PCDHA12: variants seen among roughly 807,000 people sequenced by gnomAD.
The protein encoded by PCDHA12 is protocadherin alpha-12.
A neutral mutation model predicts 60.0 loss-of-function variants in PCDHA12; 44 were observed. That is an observed-to-expected ratio of 0.73 (90% CI 0.58 to 0.94). The LOEUF (loss-of-function observed/expected upper bound fraction) is 0.94. Among genes scored for constraint, PCDHA12 ranks in the 40% least tolerant of loss-of-function variants. The pLI, the probability that PCDHA12 is intolerant of heterozygous loss-of-function variation, is 0.00. For synonymous variants in PCDHA12, 569 were observed against 553.0 expected (o/e 1.03, Z -0.40); for missense variants, 1,276 against 1,239.7 (o/e 1.03, Z -0.44).
At chr5:140,933,527 A>G (rs1324786303) in intron 1 of PCDHA12, among the ~76,000 whole-genome samples, 1 of 152,060 alleles carries the variant, frequency 6.6e-6, no homozygotes, top group African/African-American at 2.4e-5. Flanking sequence ...TTTTGTTTAA[A>G]CTCAAAATAA....
At chr5:140,882,606 C>A (rs782588313) in intron 1 of PCDHA12, 1 of 1,614,120 alleles carries the variant, frequency 6.2e-7, no homozygotes, top group African/African-American at 1.3e-5. Context: ...GTGGACAGGC[C>A]TCTGCAGGTT....
intron 1 of PCDHA12, chr5:140,966,401 C>G (rs1218132824): frequency 2.5e-6 from 1 of 404,878 alleles, no homozygotes; most frequent in African/African-American, 2.1e-5. Flanking sequence ...CACTTCGGCG[C>G]GGAATCAGAG....
intron 1 of PCDHA12, among the ~76,000 whole-genome samples, chr5:140,962,908 C>G (rs2095718284): frequency 1.3e-5 from 2 of 152,146 alleles, no homozygotes. Context: ...AGCTCCTTCC[C>G]TATTTGACAG....
At chr5:140,962,104 C>T (rs1387807188) in intron 1 of PCDHA12, among the ~76,000 whole-genome samples, 1 of 152,056 alleles carries the variant, frequency 6.6e-6, no homozygotes, top group Non-Finnish European at 1.5e-5. Context: ...CCAGGATGGT[C>T]TCGATCTCCT....
intron 3 of PCDHA12, among the ~76,000 whole-genome samples, chr5:140,995,650 A>T (rs1166713964): frequency 6.6e-6 from 1 of 152,182 alleles, no homozygotes; most frequent in Non-Finnish European, 1.5e-5. Context: ...GAAAAGGAGA[A>T]TCGAAAAGGG....
In PCDHA12 at chr5:140,927,340, G is replaced by A. The variant is rs77098674; in HGVS notation, c.2367+49501G>A. ...CCGCTTTACTCTCCCGAATGCCCAAGATGACGACGAGGGAAGCAATGGGAT... is the reference window on the plus strand; with the variant it reads ...CCGCTTTACTCTCCCGAATGCCCAAAATGACGACGAGGGAAGCAATGGGAT... On this transcript the variant is annotated intron_variant, in intron 1 of 3. Coordinates refer to ENST00000398631, the MANE Select transcript of PCDHA12 (RefSeq NM_018903.4). The A allele has an allele frequency of 8.1e-6, 13 of 1,614,032 alleles. No individual in the cohort carries two copies. The African/African-American group carries it at 1.5e-4, about 18-fold the overall frequency.
At chr5:140,885,174 A>G (rs568198348) in intron 1 of PCDHA12, among the ~76,000 whole-genome samples, 11 of 152,108 alleles carry the variant, frequency 7.2e-5, no homozygotes, top group African/African-American at 2.6e-4. Context: ...TTTGTCCTCT[A>G]GGCACATCAG....
intron 1 of PCDHA12, chr5:140,884,317 G>A (rs1401667312): frequency 3.1e-6 from 5 of 1,613,662 alleles, no homozygotes; most frequent in African/African-American, 2.7e-5. Flanking sequence ...CGAGGGCGTC[G>A]GCAGGCGCTG....
intron 1 of PCDHA12, chr5:140,883,655 T>C (rs782178754): frequency 6.2e-7 from 1 of 1,613,114 alleles, no homozygotes; most frequent in Non-Finnish European, 8.5e-7. Context: ...GTACACGGTG[T>C]TCGTGAAGGA....
chr5:140,886,827 GA>G (rs782016620), intron 1 of PCDHA12, among the ~76,000 whole-genome samples: 1,709 of 60,916 alleles, frequency 0.028, 12 homozygotes, highest in African/African-American at 0.032. Flanking sequence ...ACTTCGTCTT[GA>G]AAAAAAAAAA....
At chr5:140,996,802 T>C (rs1554255415) in intron 3 of PCDHA12, among the ~76,000 whole-genome samples, 1 of 152,218 alleles carries the variant, frequency 6.6e-6, no homozygotes, top group Non-Finnish European at 1.5e-5. Flanking sequence ...CATCCAATCA[T>C]GCTTTCCAAA....
At chr5:140,879,347 T>C (rs530902728) in intron 1 of PCDHA12, among the ~76,000 whole-genome samples, 44 of 152,324 alleles carry the variant, frequency 2.9e-4, no homozygotes, top group African/African-American at 1.0e-3. Context: ...GCTGAGAAGA[T>C]GACATTGCCA....
Position 140,979,023 on chromosome 5 carries a change from C to G in PCDHA12, c.2426+16C>G, listed in dbSNP as rs2096831948. On this transcript the variant is annotated intron_variant, in intron 2 of 3. Transcript: ENST00000398631. ...GCATGCACAGGTATGTATTTCCCTC[C>G]TCATTCACTCAGAAGTAACCTTAAC... The G allele has an allele frequency of 6.2e-7, 1 of 1,613,422 alleles. No homozygotes were observed.
intron 1 of PCDHA12, among the ~76,000 whole-genome samples, chr5:140,965,879 G>A (rs920261632): frequency 6.6e-6 from 1 of 152,216 alleles, no homozygotes; most frequent in Non-Finnish European, 1.5e-5. Flanking sequence ...ACTTGGCCGA[G>A]AGCAGAATTG....
At chr5:140,965,281 G>A (rs574183012) in intron 1 of PCDHA12, among the ~76,000 whole-genome samples, 1 of 152,310 alleles carries the variant, frequency 6.6e-6, no homozygotes, top group African/African-American at 2.4e-5. Flanking sequence ...GACACAGCAT[G>A]GAAAGATTTC....
chr5:140,994,483 G>A (rs1356969213), intron 3 of PCDHA12, among the ~76,000 whole-genome samples: 1 of 152,062 alleles, frequency 6.6e-6, no homozygotes, highest in East Asian at 1.9e-4. Context: ...CGGGTGGATT[G>A]CCTGAACCCA....
chr5:140,940,756 T>A (rs782132428), intron 1 of PCDHA12, among the ~76,000 whole-genome samples: 23 of 152,246 alleles, frequency 1.5e-4, no homozygotes, highest in Non-Finnish European at 2.8e-4. Context: ...GTGTGCCAAC[T>A]TTTATTTGAC....
chr5:140,967,998 G>A lies in PCDHA12; in HGVS notation c.2368-10951G>A, dbSNP rs1554230183. The A allele has an allele frequency of 1.9e-6, 3 of 1,614,040 alleles. No individual in the cohort carries two copies. Among genetic ancestry groups the A allele is most frequent in the African/African-American group, 1.3e-5 (1 of 74,916 alleles). The stretch of plus-strand genomic sequence containing the variant: ...GGTCTGGAGGCCACACTGCCTTTCC[G>A]ACTGAATGGCTTTGGAAACTCCTAT... On this transcript the variant is annotated intron_variant, in intron 1 of 3. Transcript: ENST00000398631.
intron 1 of PCDHA12, among the ~76,000 whole-genome samples, chr5:140,912,146 T>G (rs1248730371): frequency 6.6e-6 from 1 of 152,202 alleles, no homozygotes; most frequent in Admixed American, 6.5e-5. Flanking sequence ...CATGTTCTTC[T>G]GCCTGTTTTT....
Sources: gnomAD v4.1 joint callset for allele counts (sites outside exome capture counted in the v4.1 genomes callset) on GRCh38, gnomAD v4.1.1 for gene constraint, MANE v1.5 for transcripts, NCBI Gene and HGNC (gene_info 2026-07-23, HGNC 2026-07-21) for gene names.